Variants in ASNS observed in about 807,000 individuals in gnomAD.
ASNS encodes asparagine synthetase (glutamine-hydrolyzing).
A neutral mutation model predicts 62.6 loss-of-function variants in ASNS; 37 were observed. The observed-to-expected ratio is 0.59, with a 90% CI of 0.45 to 0.78. The LOEUF (loss-of-function observed/expected upper bound fraction) is 0.78. Among genes scored for constraint, ASNS ranks in the 30% least tolerant of loss-of-function variants. The pLI, the probability that ASNS is intolerant of heterozygous loss-of-function variation, is 0.00. For synonymous variants in ASNS, 207 were observed against 237.9 expected (o/e 0.87, Z 1.19); for missense variants, 520 against 682.4 (o/e 0.76, Z 2.65).
Position 97,856,826 on chromosome 7 carries a change from T to C in ASNS, c.904-10A>G. 1 of 1,593,276 alleles carries C rather than the reference T, an allele frequency of 6.3e-7. No individual in the cohort carries two copies. The highest frequency in any genetic ancestry group is 1.4e-5 in the African/African-American group (1 of 73,902). ...CAATATGATCTGCCACCTTATTATATAAAGAAATACCCATTTACTTGTTAA... is the reference window on the plus strand; with the variant it reads ...CAATATGATCTGCCACCTTATTATACAAAGAAATACCCATTTACTTGTTAA... On this transcript the variant is annotated splice_polypyrimidine_tract_variant and intron_variant, in intron 7 of 12. Coordinates refer to ENST00000394308, the MANE Select transcript of ASNS (RefSeq NM_001673.5).
At chr7:97,859,723 A>G (rs1171980288) in intron 4 of ASNS, among the ~76,000 whole-genome samples, 1 of 152,182 alleles carries the variant, frequency 6.6e-6, no homozygotes, top group African/African-American at 2.4e-5. Flanking sequence ...CAAATACACA[A>G]AAGGAAAAGA....
upstream of ASNS, among the ~76,000 whole-genome samples, chr7:97,876,108 C>T (rs1347058945): frequency 2.0e-5 from 3 of 152,082 alleles, no homozygotes; most frequent in South Asian, 4.1e-4. Flanking sequence ...CCACCTGCCT[C>T]GGCCTCCCAA....
intron 4 of ASNS, chr7:97,863,953 T>C (rs765659661): frequency 4.9e-5 from 13 of 262,778 alleles, no homozygotes; most frequent in Non-Finnish European, 8.6e-5. Flanking sequence ...AATTGCAGAG[T>C]CAACCCTACG....
the ASNS span, among the ~76,000 whole-genome samples, chr7:97,912,848 C>T: frequency 2.0e-5 from 3 of 151,678 alleles, no homozygotes; most frequent in African/African-American, 4.8e-5. Context: ...TCTCAAAGTG[C>T]TAGGACTACA....
At chr7:97,914,266 C>T in the ASNS span, among the ~76,000 whole-genome samples, 1 of 151,866 alleles carries the variant, frequency 6.6e-6, no homozygotes, top group Non-Finnish European at 1.5e-5. Flanking sequence ...TTTCAGGGTC[C>T]TCCAAAGAAC....
At chr7:97,868,044 A>T (rs573669474) in intron 3 of ASNS, among the ~76,000 whole-genome samples, 1 of 152,312 alleles carries the variant, frequency 6.6e-6, no homozygotes, top group Admixed American at 6.5e-5. Context: ...ACCAGCTATA[A>T]AGATATTCTT....
At chr7:97,891,760 TC>T in the ASNS span, among the ~76,000 whole-genome samples, 1 of 152,136 alleles carries the variant, frequency 6.6e-6, no homozygotes, top group Non-Finnish European at 1.5e-5. Context: ...AGAGGTGGGC[TC>T]CCATGGCCTT....
the ASNS span, among the ~76,000 whole-genome samples, chr7:97,896,741 C>CATAT: frequency 0.019 from 373 of 19,760 alleles, 14 homozygotes; most frequent in African/African-American, 0.036. Flanking sequence ...CACACACACA[C>CATAT]ATATATATAT....
chr7:97,900,997 C>A, the ASNS span, among the ~76,000 whole-genome samples: 2 of 152,204 alleles, frequency 1.3e-5, no homozygotes. Context: ...AATACAGGCA[C>A]AGTTATATGG....
At chr7:97,903,525 C>T in the ASNS span, among the ~76,000 whole-genome samples, 4 of 152,320 alleles carry the variant, frequency 2.6e-5, no homozygotes, top group South Asian at 8.3e-4. Context: ...ACAGGAGAAA[C>T]GCACCATTCA....
chr7:97,927,763 C>T, the ASNS span, among the ~76,000 whole-genome samples: 2 of 151,430 alleles, frequency 1.3e-5, no homozygotes, highest in Non-Finnish European at 2.9e-5. Flanking sequence ...CTCCCGGGAT[C>T]TCAGAGAAAA....
the ASNS span, among the ~76,000 whole-genome samples, chr7:97,881,996 C>T: frequency 6.6e-6 from 1 of 152,050 alleles, no homozygotes; most frequent in South Asian, 2.1e-4. Context: ...GGATTACAGG[C>T]ATGTACCACC....
the ASNS span, chr7:97,899,223 C>T: frequency 5.0e-6 from 1 of 201,994 alleles, no homozygotes; most frequent in Non-Finnish European, 1.0e-5. Context: ...GTCAGGTGAT[C>T]TGCCCGCCTC....
At chr7:97,870,795 G>A (rs1167973127) in intron 1 of ASNS, among the ~76,000 whole-genome samples, 2 of 152,126 alleles carry the variant, frequency 1.3e-5, no homozygotes, top group East Asian at 1.9e-4. Context: ...TCTTCTTAAC[G>A]CTGCTTAGTG....
chr7:97,924,218 G>A, the ASNS span, among the ~76,000 whole-genome samples: 4 of 151,910 alleles, frequency 2.6e-5, no homozygotes, highest in African/African-American at 7.3e-5. Flanking sequence ...CCTCTCTGTC[G>A]TAGCTAACAG....
chr7:97,920,976 C>G, the ASNS span, among the ~76,000 whole-genome samples: 5 of 152,194 alleles, frequency 3.3e-5, no homozygotes, highest in African/African-American at 1.2e-4. Context: ...GGTGAGATCC[C>G]AAGCCCTTGC....
intron 4 of ASNS, chr7:97,863,350 T>C (rs980796422): frequency 3.3e-5 from 5 of 152,278 alleles, no homozygotes; most frequent in Non-Finnish European, 5.9e-5. Context: ...GAAAGCACTA[T>C]ACCAAGTGAA....
chr7:97,880,183 G>A, the ASNS span, among the ~76,000 whole-genome samples: 1 of 151,626 alleles, frequency 6.6e-6, no homozygotes, highest in Non-Finnish European at 1.5e-5. Context: ...GGAGTGTAGT[G>A]GTGTGATCTC....
chr7:97,890,540 A>C, the ASNS span, among the ~76,000 whole-genome samples: 1 of 152,152 alleles, frequency 6.6e-6, no homozygotes, highest in East Asian at 1.9e-4. Flanking sequence ...GTAAAATAAA[A>C]ATAAAAAAAT....
Sources: allele counts gnomAD v4.1 joint callset (sites outside exome capture counted in the v4.1 genomes callset), GRCh38; gene constraint gnomAD v4.1.1; transcripts MANE v1.5; gene names NCBI Gene and HGNC (gene_info 2026-07-23, HGNC 2026-07-21).